The following THSD4 variants were observed in gnomAD, a reference collection of about 807,000 sequenced individuals.
THSD4 encodes thrombospondin type 1 domain containing 4.
Under a neutral mutation model 119.0 loss-of-function variants are expected in THSD4, and 69 were observed. That is an observed-to-expected ratio of 0.58 (90% confidence interval 0.48 to 0.71). The LOEUF is 0.71. Among genes scored for constraint, THSD4 ranks in the 30% least tolerant of loss-of-function variants. The pLI is 0.00. For missense variants in THSD4, 1,393 were observed against 1,391.1 expected, an observed-to-expected ratio of 1.00 and a Z score of -0.02; for synonymous variants, 524 against 540.4, an observed-to-expected ratio of 0.97 and a Z score of 0.42.
At chr15:71,457,450 G>A (rs1313273326) in intron 7 of THSD4, among the ~76,000 whole-genome samples, 2 of 151,584 alleles carry the variant, frequency 1.3e-5, no homozygotes, top group African/African-American at 4.9e-5. Context: ...TTCTGGCTGG[G>A]GCTAAGAAAT....
chr15:71,335,386 C>G (rs1328677411), intron 6 of THSD4, among the ~76,000 whole-genome samples: 1 of 152,108 alleles, frequency 6.6e-6, no homozygotes, highest in African/African-American at 2.4e-5. Flanking sequence ...CCCAACCCCT[C>G]CCAACAAAAA....
rs1193630305 is a variant in THSD4, at chr15:71,758,136, G to C, written c.2589+61G>C. ...AGGCAAAAGGCAGCATACCAGAGGG[G>C]TTAGGAACCAGGACTTTGTGTCAGG... is the stretch of plus-strand genomic sequence containing the variant. On this transcript the variant is annotated intron_variant, in intron 15 of 17. Transcript: ENST00000261862. 5 of 1,488,406 alleles carry C rather than the reference G, an allele frequency of 3.4e-6. No individual in the cohort carries two copies. In the South Asian group the frequency reaches 6.7e-5, roughly 20 times the overall value. The allele number at this position is 1,488,406 out of a possible 1,614,324, so 92.2% of individuals were successfully genotyped here.
chr15:71,764,795 G>A (rs2053686738), intron 15 of THSD4, among the ~76,000 whole-genome samples: 1 of 152,254 alleles, frequency 6.6e-6, no homozygotes, highest in African/African-American at 2.4e-5. Context: ...CATCCTCCAG[G>A]TATGACAATC....
At chr15:71,237,455 G>A (rs907562266) in intron 4 of THSD4, among the ~76,000 whole-genome samples, 1 of 152,176 alleles carries the variant, frequency 6.6e-6, no homozygotes, top group African/African-American at 2.4e-5. Flanking sequence ...TCAGTTTTGT[G>A]GAGGAAAGAT....
intron 6 of THSD4, among the ~76,000 whole-genome samples, chr15:71,380,635 G>A (rs924793077): frequency 6.6e-6 from 1 of 152,078 alleles, no homozygotes; most frequent in African/African-American, 2.4e-5. Context: ...TAATAGCTGA[G>A]TCTAACTGAT....
intron 3 of THSD4, among the ~76,000 whole-genome samples, chr15:71,160,442 G>A (rs1441207007): frequency 1.3e-5 from 2 of 151,354 alleles, no homozygotes; most frequent in African/African-American, 2.4e-5. Context: ...AAGCTATCTG[G>A]TCCTGGGTTT....
At chr15:71,413,761 A>T (rs75520299) in intron 7 of THSD4, among the ~76,000 whole-genome samples, 1 of 152,220 alleles carries the variant, frequency 6.6e-6, no homozygotes, top group African/African-American at 2.4e-5. Flanking sequence ...GGCAGGAAAC[A>T]TCATGGGAAA....
At chr15:71,597,955 C>G (rs955511597) in intron 7 of THSD4, among the ~76,000 whole-genome samples, 1 of 152,170 alleles carries the variant, frequency 6.6e-6, no homozygotes, top group Non-Finnish European at 1.5e-5. Flanking sequence ...TTAGTGGGCT[C>G]TTACTATGGT....
At chr15:71,573,099 C>A (rs4395029) in intron 7 of THSD4, among the ~76,000 whole-genome samples, 1 of 152,082 alleles carries the variant, frequency 6.6e-6, no homozygotes, top group African/African-American at 2.4e-5. Flanking sequence ...GGGAAATACA[C>A]TGTGGCATCT....
chr15:71,315,639 C>T (rs946427984), intron 6 of THSD4, among the ~76,000 whole-genome samples: 8 of 152,218 alleles, frequency 5.3e-5, no homozygotes, highest in African/African-American at 1.7e-4. Context: ...AGCCTGATTA[C>T]TGTTACTGAG....
chr15:71,656,291 T>G (rs2051190796), intron 7 of THSD4, among the ~76,000 whole-genome samples: 7 of 152,168 alleles, frequency 4.6e-5, no homozygotes, highest in Admixed American at 4.6e-4. Context: ...TGTAAGATAT[T>G]ATCGTTAGGG....
In THSD4 at chr15:71,190,766, C is replaced by T. The variant is rs549284438; in HGVS notation, c.100-24269C>T. 6.9e-4 allele frequency among the ~76,000 whole-genome samples: 105 copies of T among 152,166 alleles called. 1 individual carries two copies. Among genetic ancestry groups the T allele is most frequent in the Non-Finnish European group, 1.0e-3 (68 of 68,012 alleles). On this transcript the variant is annotated intron_variant, in intron 3 of 17. Coordinates refer to ENST00000261862, the MANE Select transcript of THSD4 (RefSeq NM_024817.3). ...TTTCTGGAGCAGTTCCCAAAAAATT[C>T]GTCTCTAACAGCAGAAGGTGTCACT...
At chr15:71,773,813 G>A (rs1054715903) in intron 17 of THSD4, among the ~76,000 whole-genome samples, 3 of 152,210 alleles carry the variant, frequency 2.0e-5, no homozygotes, top group Non-Finnish European at 4.4e-5. Flanking sequence ...CATGTGTGCT[G>A]TTGTCAGCTT....
In THSD4 at chr15:71,327,435, C is replaced by T. The variant is rs546929068; in HGVS notation, c.1015+70720C>T. On this transcript the variant is annotated intron_variant, in intron 6 of 17. Transcript: ENST00000261862. ...ACCTAGAACTTCCTTTCTTGGGACT[C>T]CCTGAACCACACACTTTATAAAACC... is the stretch of plus-strand genomic sequence containing the variant. Among the ~76,000 whole-genome samples the T allele has an allele frequency of 4.6e-4, 70 of 152,098 alleles. 3 individuals are homozygous for T. The South Asian group carries it at 0.014, about 31-fold the overall frequency.
At chr15:71,772,022 C>T (rs911791650) in intron 17 of THSD4, among the ~76,000 whole-genome samples, 3 of 152,206 alleles carry the variant, frequency 2.0e-5, no homozygotes, top group African/African-American at 7.2e-5. Context: ...CAAAGCCCAA[C>T]TTGAAATCTA....
chr15:71,660,354 C>A, intron 7 of THSD4, 176 bp from the exon 8 acceptor site: 1 of 687,972 alleles, frequency 1.5e-6, no homozygotes, highest in Non-Finnish European at 2.5e-6. Context: ...CACCACCAAA[C>A]AAACTCTGTT....
At chr15:71,384,436 A>G (rs2140457555) in intron 6 of THSD4, among the ~76,000 whole-genome samples, 1 of 152,288 alleles carries the variant, frequency 6.6e-6, no homozygotes, top group Admixed American at 6.5e-5. Context: ...CAGCATGGAT[A>G]GCACTGAAAA....
intron 7 of THSD4, among the ~76,000 whole-genome samples, chr15:71,598,772 C>T (rs2049953518): frequency 6.6e-6 from 1 of 152,056 alleles, no homozygotes; most frequent in Admixed American, 6.6e-5. Flanking sequence ...CACATACCAC[C>T]CCACCCAGCT....
At chr15:71,407,474 G>A (rs2046624105) in intron 6 of THSD4, among the ~76,000 whole-genome samples, 1 of 151,894 alleles carries the variant, frequency 6.6e-6, no homozygotes, top group Non-Finnish European at 1.5e-5. Flanking sequence ...TTATATCAAT[G>A]GCTTTTCCAA....
Sources: gnomAD v4.1 joint callset for allele counts (sites outside exome capture counted in the v4.1 genomes callset) on GRCh38, gnomAD v4.1.1 for gene constraint, MANE v1.5 for transcripts, NCBI Gene and HGNC (gene_info 2026-07-23, HGNC 2026-07-21) for gene names.